TENM3: variants seen among roughly 807,000 people sequenced by gnomAD.
TENM3 encodes the protein teneurin transmembrane protein 3.
In TENM3, 63 loss-of-function variants were observed where a neutral mutation model predicts 255.1. The observed-to-expected ratio is 0.25, with a 90% confidence interval of 0.20 to 0.30. The LOEUF is 0.30. TENM3 is among the 10% of genes least tolerant of loss of function. The probability of loss-of-function intolerance (pLI) is 1.00; values close to 1 mark genes in which losing one functional copy is unlikely to be tolerated. For synonymous variants in TENM3, 1,306 were observed against 1,322.3 expected, an observed-to-expected ratio of 0.99 and a Z score of 0.27; for missense variants, 2,929 against 3,461.1, an observed-to-expected ratio of 0.85 and a Z score of 3.86.
chr4:181,534,474 C>G, the TENM3 span, among the ~76,000 whole-genome samples: 1,516 of 35,892 alleles, frequency 0.042, 90 homozygotes, highest in East Asian at 0.38. Context: ...CTTCCCCCCC[C>G]CCACAGAAAA....
the TENM3 span, among the ~76,000 whole-genome samples, chr4:181,513,501 C>A: frequency 6.6e-6 from 1 of 152,170 alleles, no homozygotes; most frequent in African/African-American, 2.4e-5. Context: ...AAAGTAAGTG[C>A]AATTTGTTTC....
At chr4:182,317,817 A>G (rs2150461411) in intron 1 of TENM3, among the ~76,000 whole-genome samples, 1 of 152,282 alleles carries the variant, frequency 6.6e-6, no homozygotes, top group East Asian at 1.9e-4. Context: ...AATGAACAAA[A>G]GCAATTGATT....
intron 5 of TENM3, among the ~76,000 whole-genome samples, chr4:182,633,942 T>C (rs1751619378): frequency 6.6e-6 from 1 of 152,210 alleles, no homozygotes; most frequent in African/African-American, 2.4e-5. Context: ...AGTTGTGCTT[T>C]CCAAGCATTC....
intron 3 of TENM3, among the ~76,000 whole-genome samples, chr4:182,459,827 G>C (rs1774196456): frequency 6.6e-6 from 1 of 152,138 alleles, no homozygotes; most frequent in Non-Finnish European, 1.5e-5. Flanking sequence ...TTGGGCATCA[G>C]AATTGTAAAC....
the TENM3 span, among the ~76,000 whole-genome samples, chr4:181,521,123 C>T: frequency 6.6e-6 from 1 of 152,174 alleles, no homozygotes; most frequent in African/African-American, 2.4e-5. Context: ...AATCAAAAGG[C>T]TTAATTTGAG....
the TENM3 span, among the ~76,000 whole-genome samples, chr4:182,026,739 T>C: frequency 6.6e-6 from 1 of 152,308 alleles, no homozygotes; most frequent in East Asian, 1.9e-4. Flanking sequence ...AATGTATGTT[T>C]TTGGCACCTT....
In TENM3 at chr4:182,473,682, A is replaced by G. The variant is rs144480641; in HGVS notation, c.511+126753A>G. Among the ~76,000 whole-genome samples the G allele has an allele frequency of 2.7e-3, 358 of 131,936 alleles. 12 individuals carry two copies. Among genetic ancestry groups the G allele is most frequent in the Admixed American group, 0.024 (331 of 14,078 alleles). The allele number at this position is 131,936 out of a possible 152,430, so 86.6% of individuals were successfully genotyped here. Reference sequence around the variant, plus strand: ...AGCGAGACTTCATCTAAAAAAAAATAAAATAAAATAAAAAATTTGTGGCCA... The same window carrying G: ...AGCGAGACTTCATCTAAAAAAAAATGAAATAAAATAAAAAATTTGTGGCCA... On this transcript the variant is annotated intron_variant, in intron 3 of 27. Transcript: ENST00000511685.
the TENM3 span, among the ~76,000 whole-genome samples, chr4:181,552,668 G>A: frequency 2.6e-5 from 4 of 152,228 alleles, no homozygotes; most frequent in African/African-American, 9.6e-5. Context: ...GGGGGAAAAT[G>A]GGCTTTATTA....
At chr4:182,699,189 C>T (rs554705519) in intron 12 of TENM3, among the ~76,000 whole-genome samples, 2 of 152,340 alleles carry the variant, frequency 1.3e-5, no homozygotes, top group South Asian at 2.1e-4. Flanking sequence ...TAAGCTTTCT[C>T]CTACAAGGCC....
intron 4 of TENM3, among the ~76,000 whole-genome samples, chr4:182,610,366 A>G (rs2152429840): frequency 6.6e-6 from 1 of 152,302 alleles, no homozygotes; most frequent in Middle Eastern, 3.4e-3. Context: ...TCTATTCCAG[A>G]GCAAATTTAA....
chr4:182,697,598 G>A (rs1364005917), intron 12 of TENM3, among the ~76,000 whole-genome samples: 2 of 152,124 alleles, frequency 1.3e-5, no homozygotes, highest in South Asian at 2.1e-4. Flanking sequence ...TTCAGAACTC[G>A]GGAGTATCAC....
At chr4:182,459,853 C>A (rs1185312512) in intron 3 of TENM3, among the ~76,000 whole-genome samples, 1 of 152,136 alleles carries the variant, frequency 6.6e-6, no homozygotes. Context: ...GTATTTGTCT[C>A]ACTTCAGTTG....
At chr4:181,630,262 A>G in the TENM3 span, among the ~76,000 whole-genome samples, 1 of 151,920 alleles carries the variant, frequency 6.6e-6, no homozygotes, top group African/African-American at 2.4e-5. Flanking sequence ...TGGTCTATCA[A>G]TTGTGTTGAT....
At chr4:182,370,220 G>A (rs1476234651) in intron 3 of TENM3, among the ~76,000 whole-genome samples, 1 of 152,140 alleles carries the variant, frequency 6.6e-6, no homozygotes, top group East Asian at 1.9e-4. Context: ...CACCTGAAGT[G>A]GTAAGAAAAG....
At position 182,789,261 on chromosome 4, in the gene TENM3, T is replaced by C; in HGVS notation, c.5473T>C (p.Ser1825Pro). Residue 1825 changes from serine to proline, a missense_variant, in exon 25 of 28, where the codon TCC (serine) becomes CCC (proline). Ser to Pro is a moderately conservative substitution (Grantham distance 74). Coordinates refer to ENST00000511685, the MANE Select transcript of TENM3 (RefSeq NM_001080477.4). The surrounding 1 kb of genome is among the most constrained non-coding windows in gnomAD (Gnocchi z 4.4). ...KLMAVNVTYS[S>P]TGQIASIQRG... ...GATGGCCGTCAATGTCACCTATTCA[T>C]CCACAGGTCAAATTGCCAGCATCCA... 6.2e-7 allele frequency: 1 copy of C among 1,613,714 alleles called. No homozygotes were observed. The highest frequency in any genetic ancestry group is 8.5e-7 in the Non-Finnish European group (1 of 1,179,816).
chr4:182,294,770 T>C (rs1307940086), intron 1 of TENM3, among the ~76,000 whole-genome samples: 1 of 152,206 alleles, frequency 6.6e-6, no homozygotes, highest in Non-Finnish European at 1.5e-5. Context: ...ATCCCACGTA[T>C]AGACACAAAC....
intron 1 of TENM3, among the ~76,000 whole-genome samples, chr4:182,161,959 GTATATA>G (rs766414090): frequency 0.33 from 5,004 of 15,284 alleles, 937 homozygotes; most frequent in East Asian, 0.44. Flanking sequence ...GTGTGTGTGT[GTATATA>G]TATATATATA....
chr4:182,661,331 G>A (rs1229871855), intron 6 of TENM3, among the ~76,000 whole-genome samples: 1 of 150,874 alleles, frequency 6.6e-6, no homozygotes, highest in Non-Finnish European at 1.5e-5. Context: ...CTCCCGAGTA[G>A]CTGGGACTAA....
the TENM3 span, among the ~76,000 whole-genome samples, chr4:182,069,606 T>C: frequency 8.5e-5 from 13 of 152,102 alleles, no homozygotes; most frequent in Non-Finnish European, 1.9e-4. Context: ...AGGTGTGTTA[T>C]ACACCAAGTA....
Sources: allele counts gnomAD v4.1 joint callset (sites outside exome capture counted in the v4.1 genomes callset), GRCh38; gene constraint gnomAD v4.1.1; non-coding constraint Gnocchi (gnomAD v3.1); transcripts MANE v1.5; gene names NCBI Gene and HGNC (gene_info 2026-07-23, HGNC 2026-07-21).